Variants in CSMD1 observed in about 807,000 individuals in gnomAD.
CSMD1 encodes the protein CUB and Sushi multiple domains 1.
CSMD1 carries 213 observed loss-of-function variants against 417.5 expected under a neutral mutation model. The ratio of observed to expected loss-of-function variants is 0.51; its 90% confidence interval spans 0.46 to 0.57. The LOEUF (loss-of-function observed/expected upper bound fraction) is 0.57. Ranked by LOEUF, CSMD1 falls within the 20% of genes least tolerant of loss-of-function variation. The probability of loss-of-function intolerance (pLI) is 0.00; values close to 1 mark genes in which losing one functional copy is unlikely to be tolerated. For synonymous variants in CSMD1, 2,862 were observed against 1,736.8 expected, an observed-to-expected ratio of 1.65 and a Z score of -16.11; for missense variants, 6,923 against 4,529.7, an observed-to-expected ratio of 1.53 and a Z score of -15.17.
chr8:4,345,955 C>A (rs993759048), intron 3 of CSMD1, among the ~76,000 whole-genome samples: 1 of 152,140 alleles, frequency 6.6e-6, no homozygotes, highest in African/African-American at 2.4e-5. Flanking sequence ...TCAAACTACG[C>A]TCTTCATACT....
chr8:3,662,616 A>T (rs1424105542), intron 7 of CSMD1, among the ~76,000 whole-genome samples: 2 of 152,196 alleles, frequency 1.3e-5, no homozygotes, highest in African/African-American at 4.8e-5. Context: ...GAATCTCCAC[A>T]CTGTCTTCCA....
intron 1 of CSMD1, among the ~76,000 whole-genome samples, chr8:4,968,355 G>A (rs965000755): frequency 1.3e-5 from 2 of 151,650 alleles, no homozygotes; most frequent in African/African-American, 4.8e-5. Context: ...CACTATCCAC[G>A]TCCAAAACTT....
intron 1 of CSMD1, among the ~76,000 whole-genome samples, chr8:4,962,248 T>C (rs1220488780): frequency 3.3e-5 from 5 of 151,746 alleles, no homozygotes; most frequent in Admixed American, 2.0e-4. Context: ...ACTCACTCTG[T>C]CACCCAAACT....
At chr8:3,256,647 T>A (rs930147096) in intron 26 of CSMD1, among the ~76,000 whole-genome samples, 3 of 152,322 alleles carry the variant, frequency 2.0e-5, no homozygotes, top group African/African-American at 7.2e-5. Context: ...CATGTGTGCC[T>A]TGCAAGAACA....
At chr8:3,659,951 T>A (rs1007455118) in intron 7 of CSMD1, among the ~76,000 whole-genome samples, 1 of 152,196 alleles carries the variant, frequency 6.6e-6, no homozygotes, top group Admixed American at 6.5e-5. Flanking sequence ...AGAATTGCAA[T>A]AATTTCAAAC....
intron 7 of CSMD1, among the ~76,000 whole-genome samples, chr8:3,677,646 G>C (rs1179710987): frequency 6.6e-6 from 1 of 152,142 alleles, no homozygotes; most frequent in Non-Finnish European, 1.5e-5. Flanking sequence ...TCCAGCTATT[G>C]ACATGAAAAG....
intron 3 of CSMD1, among the ~76,000 whole-genome samples, chr8:4,246,461 T>A (rs1442957666): frequency 1.3e-5 from 2 of 152,194 alleles, no homozygotes; most frequent in African/African-American, 2.4e-5. Context: ...GTACCTCAAT[T>A]ATCAATTGGT....
chr8:4,874,515 G>A (rs1802926125), intron 1 of CSMD1, among the ~76,000 whole-genome samples: 2 of 150,662 alleles, frequency 1.3e-5, no homozygotes, highest in South Asian at 2.1e-4. Flanking sequence ...TCAGCCTCCT[G>A]AGCAGCTGGG....
chr8:3,751,318 G>GTGTC, intron 6 of CSMD1, among the ~76,000 whole-genome samples: 1 of 146,512 alleles, frequency 6.8e-6, no homozygotes, highest in South Asian at 2.2e-4. Context: ...GTGTGTGTGT[G>GTGTC]TGTGTGTGTA....
chr8:3,998,026 G>C lies in CSMD1; in HGVS notation c.695C>G (p.Ala232Gly). The change falls in exon 5 of 70, where the codon GCG becomes GGG. Residue 232 changes from alanine to glycine, a missense_variant. Ala to Gly is a moderately conservative substitution (Grantham distance 60). Coordinates refer to ENST00000635120, the MANE Select transcript of CSMD1 (RefSeq NM_033225.6). Reference sequence around the variant, plus strand: ...AGCCAGAATGGTCCAGGTGCAGTCCGCGTTGTTCTCGTACTCTGAAGGGAA... The same window carrying C: ...AGCCAGAATGGTCCAGGTGCAGTCCCCGTTGTTCTCGTACTCTGAAGGGAA... ...PHFPSEYENN[A>G]DCTWTILAEP... The C allele has an allele frequency of 6.2e-7, 1 of 1,606,162 alleles. No homozygotes were observed. The highest frequency in any genetic ancestry group is 8.5e-7 in the Non-Finnish European group (1 of 1,175,948).
At chr8:4,984,148 G>A (rs992117061) in intron 1 of CSMD1, among the ~76,000 whole-genome samples, 2 of 152,194 alleles carry the variant, frequency 1.3e-5, no homozygotes, top group African/African-American at 4.8e-5. Flanking sequence ...TCCACACTCA[G>A]TGTCCTGTTG....
At chr8:4,059,569 G>C (rs1384057515) in intron 3 of CSMD1, among the ~76,000 whole-genome samples, 3 of 151,388 alleles carry the variant, frequency 2.0e-5, no homozygotes, top group Non-Finnish European at 4.4e-5. Context: ...GAAAAAAAGA[G>C]AGAAGAATCA....
intron 2 of CSMD1, among the ~76,000 whole-genome samples, chr8:4,465,623 G>T (rs548572005): frequency 9.2e-5 from 14 of 152,122 alleles, no homozygotes; most frequent in African/African-American, 3.4e-4. Flanking sequence ...TTAAGTTAAG[G>T]CCTCAGTAGA....
chr8:4,363,699 C>G (rs1398098351), intron 3 of CSMD1, among the ~76,000 whole-genome samples: 4 of 152,180 alleles, frequency 2.6e-5, no homozygotes, highest in Admixed American at 2.6e-4. Context: ...GGTTATTTCA[C>G]TTAACAAAGT....
chr8:3,520,044 G>GTATATATATATATATATATATA (rs1563116164), intron 10 of CSMD1, among the ~76,000 whole-genome samples: 21 of 137,344 alleles, frequency 1.5e-4, no homozygotes, highest in African/African-American at 6.8e-4. Context: ...ATATATACAC[G>GTATATATATATATATATATATA]TATAGTTGTG....
At chr8:4,665,283 C>T (rs1804849100) in intron 1 of CSMD1, among the ~76,000 whole-genome samples, 1 of 152,226 alleles carries the variant, frequency 6.6e-6, no homozygotes, top group Admixed American at 6.5e-5. Context: ...TCTCTTTTCT[C>T]TCAGATTGGC....
chr8:4,574,610 T>C (rs1007223221), intron 2 of CSMD1, among the ~76,000 whole-genome samples: 1 of 152,220 alleles, frequency 6.6e-6, no homozygotes, highest in Non-Finnish European at 1.5e-5. Context: ...TGTCTCAATT[T>C]ATGTGTCCAT....
chr8:4,247,372 G>A (rs796174385), intron 3 of CSMD1, among the ~76,000 whole-genome samples: 1 of 152,104 alleles, frequency 6.6e-6, no homozygotes, highest in Non-Finnish European at 1.5e-5. Context: ...TTACGAGTAA[G>A]GTAGAGTCAG....
intron 3 of CSMD1, among the ~76,000 whole-genome samples, chr8:4,259,913 T>C (rs1383918076): frequency 6.6e-6 from 1 of 152,214 alleles, no homozygotes; most frequent in African/African-American, 2.4e-5. Context: ...TCTTCTGTTG[T>C]ATAATACTAC....
Sources: gnomAD v4.1 joint callset for allele counts (sites outside exome capture counted in the v4.1 genomes callset) on GRCh38, gnomAD v4.1.1 for gene constraint, MANE v1.5 for transcripts, NCBI Gene and HGNC (gene_info 2026-07-23, HGNC 2026-07-21) for gene names.